The following ZNF106 variants were observed in gnomAD, a reference collection of about 807,000 sequenced individuals.
The protein encoded by ZNF106 is SH3-domain binding protein 3.
In ZNF106, 67 loss-of-function variants were observed where a neutral mutation model predicts 195.1. The ratio of observed to expected loss-of-function variants is 0.34; its 90% CI spans 0.28 to 0.42. The LOEUF is 0.42. Ranked by LOEUF, ZNF106 falls within the 10% of genes least tolerant of loss-of-function variation. The pLI is 1.00. For missense variants in ZNF106, 2,118 were observed against 2,304.5 expected, an observed-to-expected ratio of 0.92 and a Z score of 1.66; for synonymous variants, 784 against 818.6, an observed-to-expected ratio of 0.96 and a Z score of 0.72.
rs542638017 is a variant in ZNF106, at chr15:42,413,773, A to C, written c.*3531T>G. On this transcript the variant is annotated 3_prime_UTR_variant, in exon 22 of 22. Transcript: ENST00000564754. ...TGGGGAAGAAGAAAATTTTTCCCAC[A>C]AAAGCAGGAGTGCAGTAGTAAGTAA... 6.6e-6 allele frequency: 1 copy of C among 152,656 alleles called. No individual in the cohort carries two copies. The highest frequency in any genetic ancestry group is 2.4e-5 in the African/African-American group (1 of 41,602). The allele number at this position is 152,656 out of a possible 1,614,324, so 9.5% of individuals were successfully genotyped here.
intron 2 of ZNF106, among the ~76,000 whole-genome samples, chr15:42,471,666 G>A (rs879591671): frequency 1.5e-4 from 23 of 152,316 alleles, no homozygotes; most frequent in Middle Eastern, 3.4e-3. Flanking sequence ...GGGAGGCAGA[G>A]GTTGCAGTGA....
Position 42,415,248 on chromosome 15 carries a change from A to C in ZNF106, c.*2056T>G, listed in dbSNP as rs1395088289. ...GTGATTCTCCTGTCTCAGCCTCCTG[A>C]GTAGCTGAGACTACAGGCACATACC... On this transcript the variant is annotated 3_prime_UTR_variant, in exon 22 of 22. Transcript: ENST00000564754. 3.3e-6 allele frequency: 1 copy of C among 298,816 alleles called. No individual in the cohort carries two copies. The highest frequency in any genetic ancestry group is 2.3e-5 in the African/African-American group (1 of 44,372). 18.5% of individuals were successfully genotyped at this position (298,816 alleles called of 1,614,324 possible). A position where few individuals can be genotyped will look rare whatever the true frequency, so the allele number is the denominator to read the frequency against.
In ZNF106 at chr15:42,428,103, TC is replaced by T; in HGVS notation, c.4912del (p.Glu1638LysfsTer28). ...ACTGTGGAGGCAGAGGACCCGGTCT[TC>T]CAGCTGTAACTGCTCCACACACTCT... is the stretch of plus-strand genomic sequence containing the variant. ...SRECVEQLQL[E>X]DRVLCLHSRW... On this transcript the variant is annotated frameshift_variant, in exon 15 of 22. Transcript: ENST00000564754. LOFTEE classifies it high-confidence loss of function. 1 of 1,614,090 alleles carries T rather than the reference TC, an allele frequency of 6.2e-7. No individual in the cohort carries two copies. Among genetic ancestry groups the T allele is most frequent in the Non-Finnish European group, 8.5e-7 (1 of 1,179,964 alleles).
intron 3 of ZNF106, 23 bp downstream of exon 3, chr15:42,466,030 A>C (rs1486676431): frequency 6.6e-7 from 1 of 1,525,482 alleles, no homozygotes; most frequent in Admixed American, 2.0e-5. Context: ...TCACAAACTT[A>C]TGGAAGAGAG....
At chr15:42,452,383 C>T (rs995860123) in intron 4 of ZNF106, among the ~76,000 whole-genome samples, 1 of 151,812 alleles carries the variant, frequency 6.6e-6, no homozygotes, top group East Asian at 1.9e-4. Context: ...ATTAGCCAGG[C>T]GTAGTGGAGC....
Position 42,472,790 on chromosome 15 carries a change from T to C in ZNF106, c.-32-469A>G, listed in dbSNP as rs540367013. 2.8e-4 allele frequency among the ~76,000 whole-genome samples: 42 copies of C among 152,214 alleles called. 1 individual carries two copies. The highest frequency in any genetic ancestry group is 1.1e-3 in the Admixed American group (17 of 15,286). ...ATTTTGGGAGGCCGACGCGGGCAGATCACGAGGTCAGGAGTTAGAGACCAG... is the reference window on the plus strand; with the variant it reads ...ATTTTGGGAGGCCGACGCGGGCAGACCACGAGGTCAGGAGTTAGAGACCAG... On this transcript the variant is annotated intron_variant, in intron 1 of 21. Transcript: ENST00000564754.
intron 1 of ZNF106, among the ~76,000 whole-genome samples, chr15:42,476,425 G>A (rs2056786151): frequency 6.6e-6 from 1 of 152,156 alleles, no homozygotes; most frequent in Non-Finnish European, 1.5e-5. Context: ...TGACTGAGAA[G>A]TGACAAACTA....
rs762215090 is a variant in ZNF106 at position 42,439,846 on chromosome 15, T to C, written c.3764-33A>G. The C allele has an allele frequency of 3.3e-5, 50 of 1,492,832 alleles. 1 individual carries two copies. The highest frequency in any genetic ancestry group is 2.7e-4 in the Admixed American group (11 of 40,728). 92.5% of individuals were successfully genotyped at this position (1,492,832 alleles called of 1,614,324 possible). A position where few individuals can be genotyped will look rare whatever the true frequency, so the allele number is the denominator to read the frequency against. On this transcript the variant is annotated intron_variant, in intron 10 of 21. Coordinates refer to ENST00000564754, the MANE Select transcript of ZNF106 (RefSeq NM_001366845.3). ...GAGAGGAAAAAAATTATTGCATCCT[T>C]TTTTGTGTTTGCTGCAATTTATCAC... is the stretch of plus-strand genomic sequence containing the variant.
At chr15:42,444,136 AAAGC>A (rs377654904) in intron 9 of ZNF106, 62 bp downstream of exon 9, 1 of 994,426 alleles carries the variant, frequency 1.0e-6, no homozygotes, top group Non-Finnish European at 1.5e-6. Context: ...AAAAAAAAAA[AAAGC>A]AGAGAAAACA....
chr15:42,441,601 G>A (rs2055538962), intron 10 of ZNF106: 1 of 152,650 alleles, frequency 6.6e-6, no homozygotes, highest in African/African-American at 2.4e-5. Context: ...GAAAACCCTG[G>A]CTATTTCTCA....
intron 19 of ZNF106, among the ~76,000 whole-genome samples, chr15:42,421,455 G>A (rs1399627068): frequency 6.6e-6 from 1 of 152,052 alleles, no homozygotes; most frequent in African/African-American, 2.4e-5. Flanking sequence ...TATTTCCCTG[G>A]AAAAGAAAGG....
intron 21 of ZNF106, 97 bp downstream of exon 21, chr15:42,417,708 C>A: frequency 7.2e-7 from 1 of 1,380,888 alleles, no homozygotes; most frequent in South Asian, 1.6e-5. Flanking sequence ...TAGGCCCTCC[C>A]TATATATGGC....
chr15:42,450,821 T>C lies in ZNF106; in HGVS notation c.1451A>G (p.Lys484Arg). The C allele has an allele frequency of 6.2e-7, 1 of 1,614,206 alleles. No homozygotes were observed. The highest frequency in any genetic ancestry group is 2.2e-5 in the East Asian group (1 of 44,892). The change falls in exon 5 of 22, where the codon AAA becomes AGA. Residue 484 changes from lysine (K) to arginine (R), a missense_variant. Lys to Arg is a conservative substitution (Grantham distance 26). Coordinates refer to ENST00000564754, the MANE Select transcript of ZNF106 (RefSeq NM_001366845.3). ...KSPLLPCPAT[K>R]SLSQKQDPKN... ...TGGATCTTGCTTTTGAGACAATGAT[T>C]TAGTGGCTGGACATGGAAGGAGTGG...
At position 42,418,009 on chromosome 15, in the gene ZNF106, G is replaced by C. The variant is rs1166674352; in HGVS notation, c.5518-58C>G. The C allele has an allele frequency of 4.5e-6, 7 of 1,565,920 alleles. No homozygotes were observed. The Admixed American group carries it at 9.3e-5, about 21-fold the overall frequency. On this transcript the variant is annotated intron_variant, in intron 20 of 21. Coordinates refer to ENST00000564754, the MANE Select transcript of ZNF106 (RefSeq NM_001366845.3). Reference sequence around the variant, plus strand: ...AAAAGGGTGCAGTGAACGTGAATCAGAACAGCCCCCAGCTGGATCCCATAA... The same window carrying C: ...AAAAGGGTGCAGTGAACGTGAATCACAACAGCCCCCAGCTGGATCCCATAA...
intron 10 of ZNF106, among the ~76,000 whole-genome samples, chr15:42,440,998 A>T (rs796386354): frequency 0.013 from 309 of 23,410 alleles, 6 homozygotes; most frequent in African/African-American, 0.027. Flanking sequence ...AAAAAAAAAA[A>T]ATATATATAT....
At position 42,437,226 on chromosome 15, in the gene ZNF106, A is replaced by C; in HGVS notation, c.4746+6T>G. On this transcript the variant is annotated splice_donor_region_variant and intron_variant, in intron 13 of 21. Transcript: ENST00000564754. The stretch of plus-strand genomic sequence containing the variant: ...CAAAAACATTCTACATGTTCTATCA[A>C]CTTACCACCAGATTATAAACCCGAA... The C allele has an allele frequency of 6.2e-7, 1 of 1,608,778 alleles. No individual in the cohort carries two copies. Among genetic ancestry groups the C allele is most frequent in the Non-Finnish European group, 8.5e-7 (1 of 1,177,886 alleles).
chr15:42,424,749 G>A (rs2054792550), intron 16 of ZNF106, 85 bp downstream of exon 16: 3 of 1,384,142 alleles, frequency 2.2e-6, no homozygotes, highest in East Asian at 2.5e-5. Context: ...CAAAGTGCTG[G>A]GACTACAGAC....
At position 42,457,164 on chromosome 15, in the gene ZNF106, GAA is replaced by G. The variant is rs779961471; in HGVS notation, c.117-8_117-7del. On this transcript the variant is annotated splice_polypyrimidine_tract_variant and splice_region_variant and intron_variant, in intron 3 of 21. Transcript: ENST00000564754. ...GGCACTCATGACTAATGTCCCTAGG[GAA>G]AGAGGGAGATGAGGGACATTCAATT... is the stretch of plus-strand genomic sequence containing the variant. 1.9e-6 allele frequency: 3 copies of G among 1,614,156 alleles called. No homozygotes were observed. The highest frequency in any genetic ancestry group is 2.5e-6 in the Non-Finnish European group (3 of 1,180,042).
Position 42,439,269 on chromosome 15 carries a change from G to T in ZNF106, c.4308C>A (p.Val1436=), listed in dbSNP as rs1343218676. 1 of 1,613,986 alleles carries T rather than the reference G, an allele frequency of 6.2e-7. No individual in the cohort carries two copies. The highest frequency in any genetic ancestry group is 8.5e-7 in the Non-Finnish European group (1 of 1,180,028). ...ACGAGTCACTATCTGGCTCATCTCT[G>T]ACACTCTCCTGCTCCCGACCAGTCC... ...DSRTGREQES[V]RDEPDSDSSL... The change falls in exon 11 of 22, where the codon GTC becomes GTA. Residue 1436 remains valine, a synonymous_variant. Coordinates refer to ENST00000564754, the MANE Select transcript of ZNF106 (RefSeq NM_001366845.3).
Sources: gnomAD v4.1 joint callset for allele counts (sites outside exome capture counted in the v4.1 genomes callset) on GRCh38, gnomAD v4.1.1 for gene constraint, MANE v1.5 for transcripts, NCBI Gene and HGNC (gene_info 2026-07-23, HGNC 2026-07-21) for gene names.